PDIA3: variants seen among roughly 807,000 people sequenced by gnomAD.
PDIA3 encodes the protein protein disulfide-isomerase A3.
Under a neutral mutation model 56.9 loss-of-function variants are expected in PDIA3, and 16 were observed. The observed-to-expected ratio is 0.28, with a 90% CI of 0.19 to 0.43. PDIA3 has a LOEUF of 0.43. Among genes scored for constraint, PDIA3 ranks in the 20% least tolerant of loss-of-function variants. The pLI, the probability that PDIA3 is intolerant of heterozygous loss-of-function variation, is 1.00. For missense variants in PDIA3, 485 were observed against 621.3 expected, an observed-to-expected ratio of 0.78 and a Z score of 2.33; for synonymous variants, 192 against 216.5, an observed-to-expected ratio of 0.89 and a Z score of 0.99.
chr15:43,766,298 A>G (rs532133364), intron 7 of PDIA3, among the ~76,000 whole-genome samples: 1 of 152,276 alleles, frequency 6.6e-6, no homozygotes, highest in South Asian at 2.1e-4. Context: ...TCTGTTGGGC[A>G]TGTATTTCGT....
Position 43,770,271 on chromosome 15 carries a change from G to A in PDIA3, c.1288G>A (p.Val430Ile), listed in dbSNP as rs375987208. 1.2e-4 allele frequency: 188 copies of A among 1,614,004 alleles called. 1 individual carries two copies. The South Asian group carries it at 1.3e-3, about 11-fold the overall frequency. Residue 430 changes from valine to isoleucine, a missense_variant, in exon 11 of 13, where the codon GTC (valine) becomes ATC (isoleucine). Coordinates refer to ENST00000300289, the MANE Select transcript of PDIA3 (RefSeq NM_005313.5). ...ACAGCTCAGCAAAGACCCAAATATCGTCATAGCCAAGATGGATGCCACAGC... is the reference window on the plus strand; with the variant it reads ...ACAGCTCAGCAAAGACCCAAATATCATCATAGCCAAGATGGATGCCACAGC... ...GEKLSKDPNI[V>I]IAKMDATAND...
At chr15:43,762,962 C>T in intron 4 of PDIA3, 115 bp from the exon 5 acceptor site, 3 of 1,006,922 alleles carry the variant, frequency 3.0e-6, no homozygotes, top group Non-Finnish European at 4.4e-6. Flanking sequence ...AAAGCAGACC[C>T]AGTCCTCAAA....
Position 43,771,809 on chromosome 15 carries a change from T to C in PDIA3, c.*591T>C, listed in dbSNP as rs1296958575. On this transcript the variant is annotated 3_prime_UTR_variant, in exon 13 of 13. Coordinates refer to ENST00000300289, the MANE Select transcript of PDIA3 (RefSeq NM_005313.5). ...AATTCTTTCAAAATTTATTATCTCTTTCTCTCCTTACATGTTTATTTCCCA... is the reference window on the plus strand; with the variant it reads ...AATTCTTTCAAAATTTATTATCTCTCTCTCTCCTTACATGTTTATTTCCCA... 2.8e-5 allele frequency: 11 copies of C among 395,606 alleles called. No individual in the cohort carries two copies. In the East Asian group the frequency reaches 3.2e-4, roughly 12 times the overall value. 24.5% of individuals were successfully genotyped at this position (395,606 alleles called of 1,614,324 possible).
chr15:43,762,503 C>G (rs1299579173), intron 4 of PDIA3, among the ~76,000 whole-genome samples: 2 of 145,150 alleles, frequency 1.4e-5, no homozygotes, highest in African/African-American at 5.1e-5. Flanking sequence ...AAGAGCAAAA[C>G]TCTGTCGCAA....
At chr15:43,757,136 G>A (rs1349187767) in intron 3 of PDIA3, among the ~76,000 whole-genome samples, 1 of 152,168 alleles carries the variant, frequency 6.6e-6, no homozygotes, top group East Asian at 1.9e-4. Flanking sequence ...CAACAAACAA[G>A]TTTTAAAAAT....
chr15:43,765,540 A>G lies in PDIA3; in HGVS notation c.693A>G (p.Lys231=), dbSNP rs1351706894. ...CAGAGCAAAAAATGACCAGTGGCAAAATTAAAAAGTTTATCCAGGAAAACA... is the reference window on the plus strand; with the variant it reads ...CAGAGCAAAAAATGACCAGTGGCAAGATTAAAAAGTTTATCCAGGAAAACA... ...AYTEQKMTSG[K]IKKFIQENIF... The change falls in exon 6 of 13, where the codon AAA becomes AAG. Residue 231 remains lysine, a synonymous_variant. Transcript: ENST00000300289. 1 of 1,605,120 alleles carries G rather than the reference A, an allele frequency of 6.2e-7. No individual in the cohort carries two copies. The highest frequency in any genetic ancestry group is 8.5e-7 in the Non-Finnish European group (1 of 1,172,610).
At chr15:43,764,853 G>A (rs1293506977) in intron 5 of PDIA3, among the ~76,000 whole-genome samples, 1 of 152,160 alleles carries the variant, frequency 6.6e-6, no homozygotes, top group East Asian at 1.9e-4. Context: ...ATTAAATTGA[G>A]ACCTGGTCCA....
Position 43,766,924 on chromosome 15 carries a change from T to G in PDIA3, c.1028+14T>G, listed in dbSNP as rs749436494. ...GGAGGAGTTCTCGTGAGTTGCTAGT[T>G]GGGCTTTGATTCTCCAAGGCAATTA... is the stretch of plus-strand genomic sequence containing the variant. On this transcript the variant is annotated intron_variant, in intron 8 of 12. Transcript: ENST00000300289. 6.2e-7 allele frequency: 1 copy of G among 1,612,268 alleles called. No homozygotes were observed. The highest frequency in any genetic ancestry group is 8.5e-7 in the Non-Finnish European group (1 of 1,178,460).
At chr15:43,764,731 G>A (rs113164262) in intron 5 of PDIA3, among the ~76,000 whole-genome samples, 1,885 of 152,192 alleles carry the variant, frequency 0.012, 36 homozygotes, top group African/African-American at 0.043. Context: ...GGCTCCCAAA[G>A]TGTTGGGATT....
intron 7 of PDIA3, 39 bp from the exon 8 acceptor site, chr15:43,766,689 C>G (rs774456614): frequency 6.4e-7 from 1 of 1,573,214 alleles, no homozygotes; most frequent in Admixed American, 1.7e-5. Flanking sequence ...CTTGACCACC[C>G]TGTATAGTCT....
At chr15:43,760,421 T>C (rs1036708537) in intron 3 of PDIA3, among the ~76,000 whole-genome samples, 7 of 151,452 alleles carry the variant, frequency 4.6e-5, no homozygotes, top group Non-Finnish European at 7.4e-5. Context: ...AAAAAAAAGA[T>C]TGGAAACAAA....
chr15:43,767,834 T>C (rs2086857794), intron 8 of PDIA3, among the ~76,000 whole-genome samples: 1 of 145,152 alleles, frequency 6.9e-6, no homozygotes, highest in East Asian at 2.1e-4. Context: ...GGGCCAGATG[T>C]GGTGGCTCAC....
Position 43,772,842 on chromosome 15 carries a change from GA to G in PDIA3, c.*1628del. 1 of 299,712 alleles carries G rather than the reference GA, an allele frequency of 3.3e-6. No individual in the cohort carries two copies. The allele number at this position is 299,712 out of a possible 1,614,324, so 18.6% of individuals were successfully genotyped here. A position where few individuals can be genotyped will look rare whatever the true frequency, so the allele number is the denominator to read the frequency against. The stretch of plus-strand genomic sequence containing the variant: ...AAGATGATGTCATTTCTCAGGACTT[GA>G]AAATGACTTGGCTGAACTAAAGGTA... On this transcript the variant is annotated 3_prime_UTR_variant, in exon 13 of 13. Coordinates refer to ENST00000300289, the MANE Select transcript of PDIA3 (RefSeq NM_005313.5).
chr15:43,757,020 G>A (rs753005882), intron 3 of PDIA3, among the ~76,000 whole-genome samples: 1 of 152,176 alleles, frequency 6.6e-6, no homozygotes, highest in Non-Finnish European at 1.5e-5. Context: ...AGTAATTACT[G>A]TGTGCCAGAT....
chr15:43,762,776 A>G (rs192280600), intron 4 of PDIA3, among the ~76,000 whole-genome samples: 165 of 152,314 alleles, frequency 1.1e-3, no homozygotes, highest in African/African-American at 3.8e-3. Context: ...CTGATACCTG[A>G]AATAGTCCCT....
At chr15:43,748,518 G>A (rs2086722059) in intron 1 of PDIA3, among the ~76,000 whole-genome samples, 1 of 152,034 alleles carries the variant, frequency 6.6e-6, no homozygotes, top group Non-Finnish European at 1.5e-5. Context: ...ATTGAAGGGG[G>A]TGTTTCCTAC....
chr15:43,768,623 C>A, intron 9 of PDIA3, 26 bp downstream of exon 9: 2 of 1,438,256 alleles, frequency 1.4e-6, no homozygotes, highest in South Asian at 1.1e-5. Flanking sequence ...CCTCATCAAG[C>A]TATGAGCAAT....
At chr15:43,760,420 A>T (rs1269078221) in intron 3 of PDIA3, among the ~76,000 whole-genome samples, 2 of 151,526 alleles carry the variant, frequency 1.3e-5, no homozygotes, top group African/African-American at 4.8e-5. Context: ...GAAAAAAAAG[A>T]TTGGAAACAA....
At chr15:43,764,986 T>C (rs1352333058) in intron 5 of PDIA3, among the ~76,000 whole-genome samples, 1 of 152,162 alleles carries the variant, frequency 6.6e-6, no homozygotes, top group Non-Finnish European at 1.5e-5. Flanking sequence ...AGCATCTTAG[T>C]GTTAATGAGA....
Sources: gnomAD v4.1 joint callset for allele counts (sites outside exome capture counted in the v4.1 genomes callset) on GRCh38, gnomAD v4.1.1 for gene constraint, MANE v1.5 for transcripts, NCBI Gene and HGNC (gene_info 2026-07-23, HGNC 2026-07-21) for gene names.